FGGY: variants seen among roughly 807,000 people sequenced by gnomAD.
FGGY encodes the protein FGGY carbohydrate kinase domain containing, also known as FGGY carbohydrate kinase domain-containing protein.
A neutral mutation model predicts 71.3 loss-of-function variants in FGGY; 72 were observed. That is an observed-to-expected ratio of 1.01 (90% confidence interval 0.84 to 1.23). The LOEUF (loss-of-function observed/expected upper bound fraction) is 1.23. Ranked by LOEUF, FGGY falls within the 50% of genes most tolerant of loss-of-function variation. The pLI is 0.00. For synonymous variants in FGGY, 251 were observed against 250.3 expected (o/e 1.00, Z -0.02); for missense variants, 668 against 682.3 (o/e 0.98, Z 0.23).
intron 8 of FGGY, among the ~76,000 whole-genome samples, chr1:59,589,754 A>G (rs2096390796): frequency 6.6e-6 from 1 of 152,202 alleles, no homozygotes; most frequent in African/African-American, 2.4e-5. Flanking sequence ...ACAAAGACAC[A>G]ACATACCAGA....
intron 14 of FGGY, among the ~76,000 whole-genome samples, chr1:59,754,577 C>T (rs1375692520): frequency 6.6e-6 from 1 of 152,174 alleles, no homozygotes; most frequent in Non-Finnish European, 1.5e-5. Context: ...TGCCACCATA[C>T]TTGGCTAATT....
At chr1:59,460,326 C>T (rs2092079353) in intron 6 of FGGY, among the ~76,000 whole-genome samples, 1 of 152,180 alleles carries the variant, frequency 6.6e-6, no homozygotes, top group South Asian at 2.1e-4. Flanking sequence ...GATCGAACTG[C>T]AAGGTGGCAG....
At chr1:59,368,126 A>G (rs2056889093) in intron 4 of FGGY, among the ~76,000 whole-genome samples, 1 of 152,158 alleles carries the variant, frequency 6.6e-6, no homozygotes, top group African/African-American at 2.4e-5. Context: ...TTTGAACTCT[A>G]TTAGGCCATC....
intron 6 of FGGY, among the ~76,000 whole-genome samples, chr1:59,481,182 CA>C (rs2093454114): frequency 6.6e-6 from 1 of 152,100 alleles, no homozygotes; most frequent in African/African-American, 2.4e-5. Flanking sequence ...ACATTTTAAA[CA>C]AGGAAATGAT....
In FGGY at chr1:59,304,802, T is replaced by G. The variant is rs139271855; in HGVS notation, c.-15+7652T>G. On this transcript the variant is annotated intron_variant, in intron 1 of 15. Transcript: ENST00000303721. ...TTCACCTCCTTGGTAAATTTTTTCC[T>G]AAGTACTTTTTCCTTTTTGATGCCC... Among the ~76,000 whole-genome samples the G allele has an allele frequency of 6.4e-3, 971 of 152,250 alleles. 9 individuals carry two copies. Among genetic ancestry groups the G allele is most frequent in the African/African-American group, 0.022 (903 of 41,578 alleles).
chr1:59,345,779 A>G (rs1173216721), intron 3 of FGGY, among the ~76,000 whole-genome samples: 2 of 152,172 alleles, frequency 1.3e-5, no homozygotes, highest in African/African-American at 4.8e-5. Context: ...GTGGGAATAT[A>G]AGCAGTTAAA....
At chr1:59,462,630 A>T (rs2153524406) in intron 6 of FGGY, among the ~76,000 whole-genome samples, 1 of 152,344 alleles carries the variant, frequency 6.6e-6, no homozygotes, top group East Asian at 1.9e-4. Context: ...AAACAACCCC[A>T]TCAGCAAGTG....
At chr1:59,585,175 A>T (rs1208467219) in intron 8 of FGGY, among the ~76,000 whole-genome samples, 2 of 152,208 alleles carry the variant, frequency 1.3e-5, no homozygotes, top group Non-Finnish European at 2.9e-5. Flanking sequence ...ACTACTTTAA[A>T]GCTCATATGG....
intron 5 of FGGY, among the ~76,000 whole-genome samples, chr1:59,379,624 C>T (rs1444122143): frequency 6.6e-6 from 1 of 152,098 alleles, no homozygotes; most frequent in Non-Finnish European, 1.5e-5. Context: ...CTGTAAGCTA[C>T]ACTAAATTTA....
intron 1 of FGGY, among the ~76,000 whole-genome samples, chr1:59,314,706 T>C (rs2153105166): frequency 6.6e-6 from 1 of 152,372 alleles, no homozygotes; most frequent in East Asian, 1.9e-4. Flanking sequence ...TTCTCCCAAA[T>C]GCAGTGACTA....
chr1:59,338,067 G>T (rs773730503), intron 2 of FGGY, among the ~76,000 whole-genome samples: 5 of 151,968 alleles, frequency 3.3e-5, no homozygotes, highest in Non-Finnish European at 5.9e-5. Context: ...GAGGGTAGGG[G>T]TTCTTTTTTC....
At chr1:59,732,169 T>C (rs2100960760) in intron 14 of FGGY, among the ~76,000 whole-genome samples, 1 of 152,298 alleles carries the variant, frequency 6.6e-6, no homozygotes, top group South Asian at 2.1e-4. Context: ...TTCTCTTTAA[T>C]CCAGTTGTAC....
intron 7 of FGGY, among the ~76,000 whole-genome samples, chr1:59,533,173 G>A (rs2095204375): frequency 6.6e-6 from 1 of 152,200 alleles, no homozygotes; most frequent in South Asian, 2.1e-4. Flanking sequence ...GCTGAAGCAG[G>A]GCAAGGCATT....
intron 6 of FGGY, among the ~76,000 whole-genome samples, chr1:59,503,880 T>A (rs956421587): frequency 6.6e-6 from 1 of 151,922 alleles, no homozygotes. Context: ...AGTGACCCCC[T>A]CTGGTCCTTC....
chr1:59,626,046 C>T lies in FGGY; in HGVS notation c.1070C>T (p.Ala357Val). The T allele has an allele frequency of 6.2e-7, 1 of 1,613,038 alleles. No individual in the cohort carries two copies. The highest frequency in any genetic ancestry group is 2.2e-5 in the East Asian group (1 of 44,846). Residue 357 changes from alanine (A) to valine (V), a missense_variant, in exon 10 of 16, where the codon GCC (alanine) becomes GTC (valine). Around this residue, in one of 2 missense-constraint regions of FGGY, gnomAD observed 661 missense variants for 661.6 expected, o/e 1.00. Coordinates refer to ENST00000303721, the MANE Select transcript of FGGY (RefSeq NM_018291.5). ...CCAGAACTACAAGTAAAGGCCACAGCCAGGTAACTGCTGTCTCTGTTCCCT... is the reference window on the plus strand; with the variant it reads ...CCAGAACTACAAGTAAAGGCCACAGTCAGGTAACTGCTGTCTCTGTTCCCT... The part of the protein sequence containing the change: ...AFPELQVKAT[A>V]RCQSIYAYLN...
chr1:59,674,383 T>A (rs911481774), intron 14 of FGGY, among the ~76,000 whole-genome samples: 10 of 152,202 alleles, frequency 6.6e-5, no homozygotes, highest in African/African-American at 2.2e-4. Flanking sequence ...AAATACCTTT[T>A]AAATTATTCC....
intron 5 of FGGY, among the ~76,000 whole-genome samples, chr1:59,408,207 G>A (rs1014106754): frequency 8.5e-5 from 13 of 152,176 alleles, no homozygotes; most frequent in African/African-American, 2.9e-4. Flanking sequence ...TGGAAAAATG[G>A]GACATTGCAT....
chr1:59,410,718 G>A (rs1487452699), intron 5 of FGGY, among the ~76,000 whole-genome samples: 1 of 152,198 alleles, frequency 6.6e-6, no homozygotes, highest in African/African-American at 2.4e-5. Flanking sequence ...CAGACTCTGA[G>A]GCTCGGGCAG....
At position 59,638,433 on chromosome 1, in the gene FGGY, T is replaced by G. The variant is rs2304750; in HGVS notation, c.1221+58T>G. The G allele has an allele frequency of 8.6e-5, 137 of 1,586,434 alleles. No individual in the cohort carries two copies. The East Asian group carries it at 3.1e-3, about 35-fold the overall frequency. ...AGGCAGGCCAAAGGGCTACAAAGTT[T>G]GGAAGAAGCAAAGTGAGGAAAAAGG... On this transcript the variant is annotated intron_variant, in intron 11 of 15. Coordinates refer to ENST00000303721, the MANE Select transcript of FGGY (RefSeq NM_018291.5).
Sources: gnomAD v4.1 joint callset for allele counts (sites outside exome capture counted in the v4.1 genomes callset) on GRCh38, gnomAD v4.1.1 for gene constraint, gnomAD v4.1.1 regional missense constraint, MANE v1.5 for transcripts, NCBI Gene and HGNC (gene_info 2026-07-23, HGNC 2026-07-21) for gene names.